Variants in RAD51B observed in about 807,000 individuals in gnomAD.
The protein encoded by RAD51B is DNA repair protein RAD51 homolog 2.
RAD51B carries 38 observed loss-of-function variants against 42.2 expected under a neutral mutation model. The observed-to-expected ratio is 0.90, with a 90% CI of 0.70 to 1.18. The LOEUF (loss-of-function observed/expected upper bound fraction) is 1.18. Among genes scored for constraint, RAD51B ranks in the 50% most tolerant of loss-of-function variants. The pLI is 0.00. For missense variants in RAD51B, 373 were observed against 400.7 expected (o/e 0.93, Z 0.59); for synonymous variants, 154 against 145.2 (o/e 1.06, Z -0.43).
intron 7 of RAD51B, among the ~76,000 whole-genome samples, chr14:68,270,723 G>A (rs1413208042): frequency 5.9e-5 from 9 of 152,090 alleles, no homozygotes; most frequent in Admixed American, 5.9e-4. Context: ...AAAATATTTA[G>A]CTCTCTCTCT....
intron 5 of RAD51B, among the ~76,000 whole-genome samples, chr14:67,879,669 G>A (rs1206617268): frequency 6.6e-6 from 1 of 152,118 alleles, no homozygotes; most frequent in East Asian, 1.9e-4. Context: ...AAAAAAGAGT[G>A]GCGTTGTTTT....
intron 7 of RAD51B, among the ~76,000 whole-genome samples, chr14:68,257,050 T>C (rs1249277490): frequency 6.6e-6 from 1 of 152,200 alleles, no homozygotes; most frequent in African/African-American, 2.4e-5. Context: ...AATTGCAGCA[T>C]TAAAACATGG....
intron 7 of RAD51B, among the ~76,000 whole-genome samples, chr14:68,025,059 G>A (rs958704482): frequency 1.3e-5 from 2 of 151,944 alleles, no homozygotes; most frequent in African/African-American, 4.8e-5. Flanking sequence ...TAATCACAAA[G>A]GGAAGTTGGA....
intron 6 of RAD51B, 23 bp downstream of exon 6, chr14:67,886,011 T>A (rs1482098853): frequency 6.6e-7 from 1 of 1,522,006 alleles, no homozygotes; most frequent in Non-Finnish European, 9.0e-7. Flanking sequence ...AGATTTTGAT[T>A]TTTTAGTAAT....
intron 5 of RAD51B, among the ~76,000 whole-genome samples, chr14:67,873,494 T>G (rs2042616144): frequency 6.7e-6 from 1 of 149,766 alleles, no homozygotes; most frequent in Non-Finnish European, 1.5e-5. Flanking sequence ...TTGGTGGGAC[T>G]GTAAACTAGT....
chr14:68,298,328 C>A (rs1478994567), intron 8 of RAD51B, among the ~76,000 whole-genome samples: 2 of 152,062 alleles, frequency 1.3e-5, no homozygotes, highest in African/African-American at 4.8e-5. Context: ...GCTGGGAGAA[C>A]AAAAGGAGAA....
chr14:68,334,757 G>A (rs1348830919), intron 8 of RAD51B, among the ~76,000 whole-genome samples: 2 of 151,882 alleles, frequency 1.3e-5, no homozygotes, highest in African/African-American at 4.8e-5. Flanking sequence ...GGTAGTGGTT[G>A]TCACTGGAGG....
At chr14:68,024,340 A>G (rs2075917401) in intron 7 of RAD51B, among the ~76,000 whole-genome samples, 1 of 152,108 alleles carries the variant, frequency 6.6e-6, no homozygotes, top group Non-Finnish European at 1.5e-5. Context: ...TTCTATATGA[A>G]TTTTAGAATA....
At chr14:68,189,007 C>A (rs540641420) in intron 7 of RAD51B, among the ~76,000 whole-genome samples, 4 of 152,078 alleles carry the variant, frequency 2.6e-5, no homozygotes, top group African/African-American at 9.7e-5. Context: ...CCTCCTTGTT[C>A]TCTACTTCTA....
chr14:68,051,964 AAAG>A (rs774224385), intron 7 of RAD51B, among the ~76,000 whole-genome samples: 3 of 152,140 alleles, frequency 2.0e-5, no homozygotes, highest in Non-Finnish European at 4.4e-5. Flanking sequence ...ACTAAGAAGA[AAAG>A]AAGAACACTC....
chr14:68,306,023 T>G (rs750028864), intron 8 of RAD51B, among the ~76,000 whole-genome samples: 69 of 152,330 alleles, frequency 4.5e-4, no homozygotes, highest in African/African-American at 1.3e-3. Context: ...GGAACTGGCT[T>G]TCTTGTGCTG....
chr14:68,575,283 C>G (rs1279723490), intron 10 of RAD51B, among the ~76,000 whole-genome samples: 1 of 152,158 alleles, frequency 6.6e-6, no homozygotes, highest in Non-Finnish European at 1.5e-5. Flanking sequence ...AGGTGACTTT[C>G]CCAAGTTCTC....
intron 8 of RAD51B, among the ~76,000 whole-genome samples, chr14:68,362,867 A>G (rs2083060062): frequency 6.6e-6 from 1 of 152,154 alleles, no homozygotes; most frequent in South Asian, 2.1e-4. Flanking sequence ...AATTAAAAAA[A>G]AAAAGAAACG....
chr14:68,022,636 G>T (rs1453718082), intron 7 of RAD51B, among the ~76,000 whole-genome samples: 11 of 151,742 alleles, frequency 7.2e-5, no homozygotes, highest in African/African-American at 1.9e-4. Context: ...TTGGCTGCTT[G>T]TCTCTCTTTT....
Position 68,155,358 on chromosome 14 carries a change from A to AT in RAD51B, c.757-136520dup, listed in dbSNP as rs373534729. Among the ~76,000 whole-genome samples the AT allele has an allele frequency of 1.2e-3, 188 of 151,790 alleles. 1 individual carries two copies. The highest frequency in any genetic ancestry group is 3.4e-3 in the Middle Eastern group (1 of 294). The stretch of plus-strand genomic sequence containing the variant: ...AGGTGCCCGCCACCATGCCCAGCTA[A>AT]TTTTTTGTATTTTTTAGTAGAGACG... On this transcript the variant is annotated intron_variant, in intron 7 of 10. Transcript: ENST00000471583.
chr14:67,974,120 T>G (rs867374125), intron 7 of RAD51B, among the ~76,000 whole-genome samples: 2 of 152,116 alleles, frequency 1.3e-5, no homozygotes, highest in Non-Finnish European at 2.9e-5. Context: ...GAGGTTTGTG[T>G]TAGAACTAAG....
intron 8 of RAD51B, among the ~76,000 whole-genome samples, chr14:68,357,514 A>T (rs2082933569): frequency 6.6e-6 from 1 of 152,064 alleles, no homozygotes; most frequent in African/African-American, 2.4e-5. Context: ...CCTTTCTAGA[A>T]GATTTTCAAC....
At chr14:68,629,908 C>A (rs1595037099) in intron 10 of RAD51B, among the ~76,000 whole-genome samples, 1 of 152,224 alleles carries the variant, frequency 6.6e-6, no homozygotes, top group South Asian at 2.1e-4. Flanking sequence ...AGGAACTTGT[C>A]CAGAGCCATT....
At chr14:68,416,554 A>G (rs1417184023) in intron 9 of RAD51B, among the ~76,000 whole-genome samples, 1 of 152,250 alleles carries the variant, frequency 6.6e-6, no homozygotes, top group African/African-American at 2.4e-5. Flanking sequence ...AGGACGAAGG[A>G]CTGCTTATTT....
Sources: allele counts gnomAD v4.1 joint callset (sites outside exome capture counted in the v4.1 genomes callset), GRCh38; gene constraint gnomAD v4.1.1; transcripts MANE v1.5; gene names NCBI Gene and HGNC (gene_info 2026-07-23, HGNC 2026-07-21).